The following RTN1 variants were observed in gnomAD, a reference collection of about 807,000 sequenced individuals.
RTN1 encodes the protein reticulon-1.
Under a neutral mutation model 65.5 loss-of-function variants are expected in RTN1, and 25 were observed. The ratio of observed to expected loss-of-function variants is 0.38; its 90% CI spans 0.28 to 0.53. The LOEUF (loss-of-function observed/expected upper bound fraction) is 0.53. Ranked by LOEUF, RTN1 falls within the 20% of genes least tolerant of loss-of-function variation. The pLI, the probability that RTN1 is intolerant of heterozygous loss-of-function variation, is 0.79. For synonymous variants in RTN1, 471 were observed against 447.6 expected (o/e 1.05, Z -0.66); for missense variants, 983 against 1,025.4 (o/e 0.96, Z 0.57).
intron 3 of RTN1, among the ~76,000 whole-genome samples, chr14:59,682,843 T>C (rs1883772776): frequency 6.6e-6 from 1 of 152,192 alleles, no homozygotes; most frequent in South Asian, 2.1e-4. Flanking sequence ...TGAACTCCAC[T>C]CCAGAAACTG....
rs746809460 is a variant in RTN1, at chr14:59,727,478, C to T, written c.1206G>A (p.Glu402=). 4 of 1,579,696 alleles carry T rather than the reference C, an allele frequency of 2.5e-6. No individual in the cohort carries two copies. The African/African-American group carries it at 5.4e-5, about 21-fold the overall frequency. ...AGTCCCCCGACTCCGCGCTGCTGGC[C>T]TCGTGGTCCAGGGGGCTGGGGATGG... ...PPTIPSPLDH[E]ASSAESGDSE... The change falls in exon 3 of 9, where the codon GAG becomes GAA. Residue 402 remains glutamate, a synonymous_variant. Coordinates refer to ENST00000267484, the MANE Select transcript of RTN1 (RefSeq NM_021136.3). This position sits in a 1 kb window ranked among gnomAD's most constrained non-coding sequence, Gnocchi z 4.2.
At chr14:59,707,689 T>A (rs933406448) in intron 3 of RTN1, among the ~76,000 whole-genome samples, 1 of 149,450 alleles carries the variant, frequency 6.7e-6, no homozygotes, top group Non-Finnish European at 1.5e-5. Flanking sequence ...TCTCTCTCTT[T>A]CCCTCTGTCT....
rs1188977652 is a variant in RTN1, at chr14:59,766,408, T to G, written c.242-19927A>C. Reference sequence around the variant, plus strand: ...GGTATACTTTCTATTTTACCTTTGTTTTTATTATTTTTGCCCCAAACTCAT... The same window carrying G: ...GGTATACTTTCTATTTTACCTTTGTGTTTATTATTTTTGCCCCAAACTCAT... On this transcript the variant is annotated intron_variant, in intron 1 of 8. Coordinates refer to ENST00000267484, the MANE Select transcript of RTN1 (RefSeq NM_021136.3). The surrounding 1 kb of genome is among the most constrained non-coding windows in gnomAD (Gnocchi z 4.4). 6.6e-6 allele frequency among the ~76,000 whole-genome samples: 1 copy of G among 152,132 alleles called. No homozygotes were observed. Among genetic ancestry groups the G allele is most frequent in the African/African-American group, 2.4e-5 (1 of 41,428 alleles).
intron 3 of RTN1, among the ~76,000 whole-genome samples, chr14:59,635,578 G>C (rs1882647228): frequency 6.6e-6 from 1 of 152,176 alleles, no homozygotes; most frequent in Admixed American, 6.5e-5. Context: ...CATTGTTTAG[G>C]AGGAAAATAG....
intron 1 of RTN1, among the ~76,000 whole-genome samples, chr14:59,817,253 A>G (rs1233389506): frequency 1.3e-5 from 2 of 152,150 alleles, no homozygotes; most frequent in Non-Finnish European, 2.9e-5. Context: ...GTAATTGCAA[A>G]CTGTGGTAAG....
In RTN1 at chr14:59,762,939, T is replaced by C. The variant is rs1347291822; in HGVS notation, c.242-16458A>G. On this transcript the variant is annotated intron_variant, in intron 1 of 8. Coordinates refer to ENST00000267484, the MANE Select transcript of RTN1 (RefSeq NM_021136.3). ...AAGTTTTCAAAATCTAACTCACATGTTCTGCTGGTCATGAGACATTTGAAA... is the reference window on the plus strand; with the variant it reads ...AAGTTTTCAAAATCTAACTCACATGCTCTGCTGGTCATGAGACATTTGAAA... Among the ~76,000 whole-genome samples, 3 of 152,226 alleles carry C rather than the reference T, an allele frequency of 2.0e-5. No homozygotes were observed. The East Asian group carries it at 5.8e-4, about 29-fold the overall frequency.
intron 1 of RTN1, among the ~76,000 whole-genome samples, chr14:59,806,183 C>T (rs933836028): frequency 6.6e-6 from 1 of 151,940 alleles, no homozygotes; most frequent in Non-Finnish European, 1.5e-5. Flanking sequence ...GTATAGTGAG[C>T]TGAGATTGTG....
In RTN1 at chr14:59,868,563, A is replaced by G. The variant is rs1352828683; in HGVS notation, c.241+1827T>C. ...GTAAATTTTAAACGCTTTTACCACA[A>G]AAAAAAAGTACATGAGATGATGGAT... On this transcript the variant is annotated intron_variant, in intron 1 of 8. Coordinates refer to ENST00000267484, the MANE Select transcript of RTN1 (RefSeq NM_021136.3). This position sits in a 1 kb window ranked among gnomAD's most constrained non-coding sequence, Gnocchi z 4.0. Among the ~76,000 whole-genome samples the G allele has an allele frequency of 1.3e-5, 2 of 150,872 alleles. No individual in the cohort carries two copies. The highest frequency in any genetic ancestry group is 2.4e-5 in the African/African-American group (1 of 41,286).
At chr14:59,748,210 G>GTT (rs67657505) in intron 1 of RTN1, among the ~76,000 whole-genome samples, 3,123 of 125,930 alleles carry the variant, frequency 0.025, 147 homozygotes, top group African/African-American at 0.086. Context: ...AGTCTGTGAG[G>GTT]TTTTTTTTTT....
chr14:59,792,109 C>G (rs552229187), intron 1 of RTN1, among the ~76,000 whole-genome samples: 27 of 152,266 alleles, frequency 1.8e-4, no homozygotes, highest in Admixed American at 9.2e-4. Flanking sequence ...TAGCATGGGG[C>G]TGTACCGCTG....
chr14:59,750,994 C>T (rs998506064), intron 1 of RTN1, among the ~76,000 whole-genome samples: 2 of 111,590 alleles, frequency 1.8e-5, no homozygotes, highest in African/African-American at 1.0e-4. Flanking sequence ...CTGGGATTAC[C>T]GGCATTGAGT....
intron 1 of RTN1, among the ~76,000 whole-genome samples, chr14:59,791,892 G>C (rs1396707886): frequency 6.6e-6 from 1 of 152,058 alleles, no homozygotes; most frequent in African/African-American, 2.4e-5. Flanking sequence ...AGGGCATAGG[G>C]GGAGCTTTCC....
At chr14:59,851,934 T>G (rs766587191) in intron 1 of RTN1, among the ~76,000 whole-genome samples, 11 of 152,118 alleles carry the variant, frequency 7.2e-5, no homozygotes, top group Non-Finnish European at 1.5e-4. Flanking sequence ...TAAACAGAAC[T>G]GCTCGGTTTT....
chr14:59,685,136 G>A (rs575600766), intron 3 of RTN1, among the ~76,000 whole-genome samples: 56 of 152,178 alleles, frequency 3.7e-4, no homozygotes, highest in African/African-American at 1.2e-3. Flanking sequence ...ATGCTTTCAT[G>A]ATGAAAACTC....
intron 3 of RTN1, among the ~76,000 whole-genome samples, chr14:59,705,272 A>G (rs1884267226): frequency 6.6e-6 from 1 of 152,158 alleles, no homozygotes; most frequent in East Asian, 1.9e-4. Context: ...TTGCAGCTAC[A>G]TTATGATCAG....
At chr14:59,784,443 GA>G (rs200051471) in intron 1 of RTN1, among the ~76,000 whole-genome samples, 26,550 of 126,852 alleles carry the variant, frequency 0.21, 2,753 homozygotes, top group African/African-American at 0.33. Context: ...CTCCGTCTCA[GA>G]AAAAAAAAAA....
At chr14:59,726,559 G>T (rs973704315) in intron 3 of RTN1, among the ~76,000 whole-genome samples, 29 of 152,272 alleles carry the variant, frequency 1.9e-4, no homozygotes, top group African/African-American at 6.7e-4. Flanking sequence ...ACCAGAGCCT[G>T]GACAATAACA....
Position 59,746,405 on chromosome 14 carries a change from T to C in RTN1, c.318A>G (p.Thr106=), listed in dbSNP as rs369159327. The C allele has an allele frequency of 1.7e-5, 27 of 1,613,920 alleles. No individual in the cohort carries two copies. Among genetic ancestry groups the C allele is most frequent in the Middle Eastern group, 3.3e-4 (2 of 6,062 alleles). Residue 106 remains threonine, a synonymous_variant, in exon 2 of 9, where the codon ACA becomes ACG. Transcript: ENST00000267484. ...TSKDGEGSCY[T]SLISDICYPP... ...GATAGCAGATGTCAGAAATGAGAGA[T>C]GTGTAACACGATCCTTCCCCATCTT...
intron 8 of RTN1, among the ~76,000 whole-genome samples, chr14:59,600,261 G>A (rs183072469): frequency 3.3e-4 from 50 of 151,924 alleles, no homozygotes; most frequent in African/African-American, 1.1e-3. Flanking sequence ...AGCAGTAATC[G>A]GATGATGATG....
Sources: gnomAD v4.1 joint callset for allele counts (sites outside exome capture counted in the v4.1 genomes callset) on GRCh38, gnomAD v4.1.1 for gene constraint, Gnocchi (gnomAD v3.1) non-coding constraint, MANE v1.5 for transcripts, NCBI Gene and HGNC (gene_info 2026-07-23, HGNC 2026-07-21) for gene names.